Variants in RPL36AL observed in about 807,000 individuals in gnomAD.
The protein encoded by RPL36AL is ribosomal protein eL42-like.
RPL36AL carries 8 observed loss-of-function variants against 7.9 expected under a neutral mutation model. The observed-to-expected ratio is 1.02, with a 90% confidence interval of 0.60 to 1.84. The LOEUF (loss-of-function observed/expected upper bound fraction) is 1.84. Among genes scored for constraint, RPL36AL ranks in the 40% most tolerant of loss-of-function variants. RPL36AL has a pLI of 0.00. For missense variants in RPL36AL, 76 were observed against 126.8 expected, an observed-to-expected ratio of 0.60 and a Z score of 1.93; for synonymous variants, 44 against 44.8, an observed-to-expected ratio of 0.98 and a Z score of 0.07.
At position 49,618,681 on chromosome 14, in the gene RPL36AL, C is replaced by A; in HGVS notation, c.*103G>T. 1 of 958,134 alleles carries A rather than the reference C, an allele frequency of 1.0e-6. No homozygotes were observed. The highest frequency in any genetic ancestry group is 2.4e-5 in the Admixed American group (1 of 40,860). The allele number at this position is 958,134 out of a possible 1,614,324, so 59.4% of individuals were successfully genotyped here. ...GAATTCTATTTATAAGTAAAAACCA[C>A]AAAAAGTTTGCGTAAGAATATCACT... On this transcript the variant is annotated 3_prime_UTR_variant, in exon 2 of 2. Transcript: ENST00000298289.
In RPL36AL at chr14:49,618,707, G is replaced by A. The variant is rs1359942183; in HGVS notation, c.*77C>T. The A allele has an allele frequency of 8.3e-7, 1 of 1,204,950 alleles. No individual in the cohort carries two copies. The highest frequency in any genetic ancestry group is 2.3e-5 in the East Asian group (1 of 43,024). 74.6% of individuals were successfully genotyped at this position (1,204,950 alleles called of 1,614,324 possible). On this transcript the variant is annotated 3_prime_UTR_variant, in exon 2 of 2. Transcript: ENST00000298289. ...AAAAAGTTTGCGTAAGAATATCACT[G>A]TATTTATTTTCCCTCGGGTAACTTT...
At position 49,618,932 on chromosome 14, in the gene RPL36AL, T is replaced by C. The variant is rs748416242; in HGVS notation, c.173A>G (p.Lys58Arg). 2 of 1,613,738 alleles carry C rather than the reference T, an allele frequency of 1.2e-6. No homozygotes were observed. The highest frequency in any genetic ancestry group is 4.5e-5 in the East Asian group (2 of 44,882). The change falls in exon 2 of 2, where the codon AAG becomes AGG. Residue 58 changes from lysine to arginine, a missense_variant. By Grantham distance (26) the Lys-to-Arg change is conservative. Transcript: ENST00000298289. ...YGGQTKPIFRKKAKTTKKIVL... is the reference protein window; with the variant it reads ...YGGQTKPIFRRKAKTTKKIVL... ...AATCTTCTTTGTGGTCTTAGCCTTC[T>C]TCCGGAAAATTGGCTTTGTCTGCCC...
chr14:49,619,558 G>A (rs3007040), intron 1 of RPL36AL, among the ~76,000 whole-genome samples: 34,417 of 151,764 alleles, frequency 0.23, 4,255 homozygotes, highest in Admixed American at 0.31. Flanking sequence ...GGGTGGGGAG[G>A]GGCGGAGGTT....
intron 1 of RPL36AL, among the ~76,000 whole-genome samples, chr14:49,619,758 G>A (rs767133226): frequency 6.6e-6 from 1 of 152,174 alleles, no homozygotes; most frequent in Non-Finnish European, 1.5e-5. Flanking sequence ...TGGGTTTTTA[G>A]AGGAAAAAAT....
chr14:49,619,016 T>C lies in RPL36AL; in HGVS notation c.89A>G (p.Lys30Arg). Reference sequence around the variant, plus strand: ...CCTTCCCTGGGCATACAAAGAATCCTTGCCCTTCTTATACTGTGTCACTTT... The same window carrying C: ...CCTTCCCTGGGCATACAAAGAATCCCTGCCCTTCTTATACTGTGTCACTTT... ...PHKVTQYKKGKDSLYAQGRRR... is the reference protein window; with the variant it reads ...PHKVTQYKKGRDSLYAQGRRR... The change falls in exon 2 of 2, where the codon AAG (lysine) becomes AGG (arginine). Residue 30 changes from lysine to arginine, a missense_variant. Physicochemically the swap from Lys to Arg is conservative, Grantham distance 26 (BLOSUM62 2). Coordinates refer to ENST00000298289, the MANE Select transcript of RPL36AL (RefSeq NM_001001.5). The C allele has an allele frequency of 6.2e-7, 1 of 1,614,012 alleles. No individual in the cohort carries two copies. The highest frequency in any genetic ancestry group is 8.5e-7 in the Non-Finnish European group (1 of 1,179,878).
At chr14:49,620,310 T>C (rs1466222953) in intron 1 of RPL36AL, among the ~76,000 whole-genome samples, 1 of 152,094 alleles carries the variant, frequency 6.6e-6, no homozygotes, top group African/African-American at 2.4e-5. Flanking sequence ...TAGTATCACT[T>C]TTCCCCTCCG....
Position 49,619,200 on chromosome 14 carries a change from C to T in RPL36AL, c.-36-60G>A, listed in dbSNP as rs927048518. 5.3e-6 allele frequency: 6 copies of T among 1,123,600 alleles called. No homozygotes were observed. The African/African-American group carries it at 9.4e-5, about 18-fold the overall frequency. The allele number at this position is 1,123,600 out of a possible 1,614,324, so 69.6% of individuals were successfully genotyped here. On this transcript the variant is annotated intron_variant, in intron 1 of 1. Transcript: ENST00000298289. Reference sequence around the variant, plus strand: ...TTAAACATTCCGAAAAGTGAAAGTGCTATACAAGTATATACAGGAAAACCG... The same window carrying T: ...TTAAACATTCCGAAAAGTGAAAGTGTTATACAAGTATATACAGGAAAACCG...
In RPL36AL at chr14:49,620,556, G is replaced by C. The variant is rs1381011494; in HGVS notation, c.-37+6C>G. The C allele has an allele frequency of 1.1e-5, 2 of 182,268 alleles. No individual in the cohort carries two copies. The highest frequency in any genetic ancestry group is 2.4e-5 in the African/African-American group (1 of 42,056). 11.3% of individuals were successfully genotyped at this position (182,268 alleles called of 1,614,324 possible). ...TGGAGCCGCTACAGCCTCGTTCTTA[G>C]CTTACCGAGAAACAGCGCCCGACAC... On this transcript the variant is annotated splice_donor_region_variant and intron_variant, in intron 1 of 1. Transcript: ENST00000298289.
In RPL36AL at chr14:49,620,587, C is replaced by T. The variant is rs1466351553; in HGVS notation, c.-62G>A. 9.8e-6 allele frequency: 2 copies of T among 203,090 alleles called. No homozygotes were observed. The highest frequency in any genetic ancestry group is 2.0e-5 in the Non-Finnish European group (2 of 100,820). 12.6% of individuals were successfully genotyped at this position (203,090 alleles called of 1,614,324 possible). On this transcript the variant is annotated 5_prime_UTR_variant, in exon 1 of 2. Coordinates refer to ENST00000298289, the MANE Select transcript of RPL36AL (RefSeq NM_001001.5). ...CGAGAAACAGCGCCCGACACCTGGC[C>T]CTTCGCAGCTCTCGCCTTTCGCAGC... is the stretch of plus-strand genomic sequence containing the variant.
intron 1 of RPL36AL, among the ~76,000 whole-genome samples, chr14:49,620,042 A>G (rs1215680012): frequency 6.6e-6 from 1 of 152,188 alleles, no homozygotes; most frequent in Non-Finnish European, 1.5e-5. Context: ...ACGAAAACCG[A>G]CAGCAGCAGC....
intron 1 of RPL36AL, among the ~76,000 whole-genome samples, chr14:49,620,114 C>G (rs1202702318): frequency 2.0e-5 from 3 of 152,146 alleles, no homozygotes; most frequent in African/African-American, 7.2e-5. Context: ...TGTGACTGCT[C>G]CAAAAGAAAA....
chr14:49,620,320 G>A (rs1167549446), intron 1 of RPL36AL, among the ~76,000 whole-genome samples: 1 of 152,172 alleles, frequency 6.6e-6, no homozygotes, highest in Admixed American at 6.5e-5. Context: ...TTTCCCCTCC[G>A]AAGCACAGTC....
chr14:49,619,630 C>CAA (rs112952168), intron 1 of RPL36AL, among the ~76,000 whole-genome samples: 39 of 131,872 alleles, frequency 3.0e-4, no homozygotes, highest in African/African-American at 1.1e-3. Flanking sequence ...AATTACGTCT[C>CAA]AAAAAAAAAA....
chr14:49,619,201 T>A (rs1234383840), intron 1 of RPL36AL, 61 bp from the exon 2 acceptor site: 7 of 1,002,330 alleles, frequency 7.0e-6, no homozygotes, highest in Non-Finnish European at 1.0e-5. Context: ...GTGAAAGTGC[T>A]ATACAAGTAT....
chr14:49,619,152 T>C lies in RPL36AL; in HGVS notation c.-36-12A>G. 6.6e-7 allele frequency: 1 copy of C among 1,507,988 alleles called. No individual in the cohort carries two copies. Among genetic ancestry groups the C allele is most frequent in the Non-Finnish European group, 9.0e-7 (1 of 1,117,006 alleles). The allele number at this position is 1,507,988 out of a possible 1,614,324, so 93.4% of individuals were successfully genotyped here. ...CTATATGATGAAAACTGTAGTAAAA[T>C]ATTTAAAATAAGATAGCAGACGTTA... On this transcript the variant is annotated splice_polypyrimidine_tract_variant and intron_variant, in intron 1 of 1. Transcript: ENST00000298289.
chr14:49,619,513 G>T (rs146362032), intron 1 of RPL36AL, among the ~76,000 whole-genome samples: 77 of 152,242 alleles, frequency 5.1e-4, no homozygotes, highest in African/African-American at 1.7e-3. Flanking sequence ...CTGGCGTGGT[G>T]GTGGTGCATA....
intron 1 of RPL36AL, among the ~76,000 whole-genome samples, chr14:49,619,996 C>T (rs1594597791): frequency 6.6e-6 from 1 of 152,236 alleles, no homozygotes; most frequent in South Asian, 2.1e-4. Context: ...AACAATGCTC[C>T]GAGCCATTCT....
intron 1 of RPL36AL, among the ~76,000 whole-genome samples, chr14:49,620,163 G>A (rs533900432): frequency 3.9e-5 from 6 of 152,306 alleles, no homozygotes; most frequent in Middle Eastern, 3.4e-3. Flanking sequence ...AGGAAGTTAA[G>A]GACCAGAGTT....
In RPL36AL at chr14:49,618,679, CA is replaced by C. The variant is rs1490409883; in HGVS notation, c.*104del. The C allele has an allele frequency of 1.1e-6, 1 of 918,338 alleles. No homozygotes were observed. The highest frequency in any genetic ancestry group is 1.7e-6 in the Non-Finnish European group (1 of 604,136). 56.9% of individuals were successfully genotyped at this position (918,338 alleles called of 1,614,324 possible). ...TGGAATTCTATTTATAAGTAAAAAC[CA>C]CAAAAAGTTTGCGTAAGAATATCAC... On this transcript the variant is annotated 3_prime_UTR_variant, in exon 2 of 2. Transcript: ENST00000298289.
Sources: gnomAD v4.1 joint callset for allele counts (sites outside exome capture counted in the v4.1 genomes callset) on GRCh38, gnomAD v4.1.1 for gene constraint, MANE v1.5 for transcripts, NCBI Gene and HGNC (gene_info 2026-07-23, HGNC 2026-07-21) for gene names.